The following SLC44A5 variants were observed in gnomAD, a reference collection of about 807,000 sequenced individuals.
SLC44A5 encodes the protein choline transporter-like protein 5.
Under a neutral mutation model 101.8 loss-of-function variants are expected in SLC44A5, and 57 were observed. The ratio of observed to expected loss-of-function variants is 0.56; its 90% confidence interval spans 0.45 to 0.70. The LOEUF (loss-of-function observed/expected upper bound fraction) is 0.70. SLC44A5 is among the 30% of genes least tolerant of loss of function. The pLI is 0.00. For missense variants in SLC44A5, 737 were observed against 853.1 expected, an observed-to-expected ratio of 0.86 and a Z score of 1.70; for synonymous variants, 281 against 290.9, an observed-to-expected ratio of 0.97 and a Z score of 0.35.
At chr1:75,651,208 T>C in the SLC44A5 span, among the ~76,000 whole-genome samples, 1 of 152,174 alleles carries the variant, frequency 6.6e-6, no homozygotes, top group African/African-American at 2.4e-5. Context: ...TGCTAAATTG[T>C]GTACCTAAAA....
chr1:75,494,364 T>C (rs1309377259), intron 2 of SLC44A5, among the ~76,000 whole-genome samples: 1 of 152,144 alleles, frequency 6.6e-6, no homozygotes, highest in Non-Finnish European at 1.5e-5. Context: ...AACTTCTCCC[T>C]GGAAGAACCT....
chr1:75,235,756 C>T (rs890462846), intron 11 of SLC44A5, among the ~76,000 whole-genome samples: 1 of 152,002 alleles, frequency 6.6e-6, no homozygotes, highest in Non-Finnish European at 1.5e-5. Context: ...GTTTTTCGTA[C>T]TCTTCCCTGA....
chr1:75,385,611 C>A (rs1454740720), intron 3 of SLC44A5, among the ~76,000 whole-genome samples: 1 of 152,138 alleles, frequency 6.6e-6, no homozygotes, highest in Non-Finnish European at 1.5e-5. Flanking sequence ...GGATTCACAG[C>A]CAAATTCTAC....
intron 2 of SLC44A5, among the ~76,000 whole-genome samples, chr1:75,470,689 C>G (rs1400318020): frequency 6.6e-6 from 1 of 151,224 alleles, no homozygotes; most frequent in Admixed American, 6.6e-5. Context: ...GAATTTGAAG[C>G]AGAGGAAATG....
intron 2 of SLC44A5, among the ~76,000 whole-genome samples, chr1:75,474,162 G>A (rs1667262394): frequency 1.3e-5 from 2 of 152,194 alleles, no homozygotes; most frequent in Non-Finnish European, 2.9e-5. Flanking sequence ...GATGGGGAAT[G>A]GCAACAATCT....
the SLC44A5 span, among the ~76,000 whole-genome samples, chr1:75,713,713 C>T: frequency 6.6e-6 from 1 of 152,096 alleles, no homozygotes; most frequent in African/African-American, 2.4e-5. Context: ...GTAAGTCCTG[C>T]CCTTAGGTCA....
the SLC44A5 span, among the ~76,000 whole-genome samples, chr1:75,676,507 C>T: frequency 1.3e-5 from 2 of 151,978 alleles, no homozygotes; most frequent in South Asian, 2.1e-4. Flanking sequence ...AACATAGAAA[C>T]ATAGGGTGGA....
intron 1 of SLC44A5, among the ~76,000 whole-genome samples, chr1:75,595,323 A>C (rs1674572751): frequency 6.6e-6 from 1 of 152,098 alleles, no homozygotes; most frequent in South Asian, 2.1e-4. Context: ...TCCATTGTCT[A>C]TATTTTTAAA....
chr1:75,310,303 C>T (rs1189005247), intron 4 of SLC44A5, among the ~76,000 whole-genome samples: 11 of 152,062 alleles, frequency 7.2e-5, no homozygotes, highest in Non-Finnish European at 1.3e-4. Context: ...TTTCATCCTT[C>T]CACCCCTCTC....
At chr1:75,672,086 G>A in the SLC44A5 span, among the ~76,000 whole-genome samples, 2,389 of 152,134 alleles carry the variant, frequency 0.016, 72 homozygotes, top group African/African-American at 0.053. Context: ...CCAAAATCAG[G>A]TGAGCAATCA....
intron 3 of SLC44A5, among the ~76,000 whole-genome samples, chr1:75,340,670 C>T (rs1657809678): frequency 1.3e-5 from 2 of 152,168 alleles, no homozygotes. Context: ...AGTGACATTT[C>T]TTCTTTGTGC....
rs554251711 is a variant in SLC44A5, at chr1:75,550,993, G to A, written c.-69-9477C>T. 7.9e-5 allele frequency among the ~76,000 whole-genome samples: 12 copies of A among 152,244 alleles called. No individual in the cohort carries two copies. In the South Asian group the frequency reaches 2.5e-3, roughly 32 times the overall value. The stretch of plus-strand genomic sequence containing the variant: ...ATAGTGTCTATCTAAGATAATTGTT[G>A]TTAGAAAGAAGTTAGGTAATTGATG... On this transcript the variant is annotated intron_variant, in intron 1 of 23. Transcript: ENST00000370859.
intron 5 of SLC44A5, among the ~76,000 whole-genome samples, chr1:75,279,486 C>T (rs1232704177): frequency 1.3e-5 from 2 of 152,082 alleles, no homozygotes; most frequent in Non-Finnish European, 2.9e-5. Flanking sequence ...CCCAGAACCA[C>T]CCAACCAAGC....
In SLC44A5 at chr1:75,543,620, T is replaced by C. The variant is rs538188397; in HGVS notation, c.-69-2104A>G. Among the ~76,000 whole-genome samples, 87 of 145,168 alleles carry C rather than the reference T, an allele frequency of 6.0e-4. 1 individual carries two copies. The South Asian group carries it at 0.013, about 22-fold the overall frequency. On this transcript the variant is annotated intron_variant, in intron 1 of 23. Transcript: ENST00000370859. ...ATATATATATATATACACACACACATATATATACGTATATATACACATATA... is the reference window on the plus strand; with the variant it reads ...ATATATATATATATACACACACACACATATATACGTATATATACACATATA...
intron 2 of SLC44A5, among the ~76,000 whole-genome samples, chr1:75,424,756 TC>T (rs926165024): frequency 2.2e-4 from 33 of 152,296 alleles, no homozygotes; most frequent in African/African-American, 7.9e-4. Flanking sequence ...AGTTTTTTTT[TC>T]AAACAATGCA....
intron 5 of SLC44A5, among the ~76,000 whole-genome samples, chr1:75,288,404 T>A (rs1398673108): frequency 6.6e-6 from 1 of 152,228 alleles, no homozygotes; most frequent in African/African-American, 2.4e-5. Context: ...GTCTAGAATA[T>A]GATCAAACTC....
chr1:75,413,011 C>T (rs774725158), intron 2 of SLC44A5, among the ~76,000 whole-genome samples: 3 of 152,090 alleles, frequency 2.0e-5, no homozygotes, highest in African/African-American at 7.2e-5. Flanking sequence ...AATCGTATAG[C>T]CATTTTATTA....
At chr1:75,702,268 G>C in the SLC44A5 span, among the ~76,000 whole-genome samples, 1 of 152,252 alleles carries the variant, frequency 6.6e-6, no homozygotes, top group Non-Finnish European at 1.5e-5. Context: ...ATACTACAAG[G>C]CTACAATAAC....
chr1:75,504,414 A>G (rs1212497022), intron 2 of SLC44A5, among the ~76,000 whole-genome samples: 1 of 152,126 alleles, frequency 6.6e-6, no homozygotes, highest in African/African-American at 2.4e-5. Flanking sequence ...ATAATTCATC[A>G]AGCTGCTATC....
Sources: allele counts gnomAD v4.1 joint callset (sites outside exome capture counted in the v4.1 genomes callset), GRCh38; gene constraint gnomAD v4.1.1; transcripts MANE v1.5; gene names NCBI Gene and HGNC (gene_info 2026-07-23, HGNC 2026-07-21).